The following COL16A1 variants were observed in gnomAD, a reference collection of about 807,000 sequenced individuals.
COL16A1 encodes collagen type XVI alpha 1 chain.
In COL16A1, 189 loss-of-function variants were observed where a neutral mutation model predicts 266.3. That is an observed-to-expected ratio of 0.71 (90% CI 0.63 to 0.80). The LOEUF is 0.80. Ranked by LOEUF, COL16A1 falls within the 30% of genes least tolerant of loss-of-function variation. COL16A1 has a pLI of 0.00. For synonymous variants in COL16A1, 740 were observed against 782.3 expected, an observed-to-expected ratio of 0.95 and a Z score of 0.90; for missense variants, 1,928 against 2,122.4, an observed-to-expected ratio of 0.91 and a Z score of 1.80.
In COL16A1 at chr1:31,662,385, G is replaced by T; in HGVS notation, c.3630C>A (p.Gly1210=). The change falls in exon 58 of 71, where the codon GGC becomes GGA. Residue 1210 remains glycine (G), a splice_region_variant and synonymous_variant. Coordinates refer to ENST00000373672, the MANE Select transcript of COL16A1 (RefSeq NM_001856.4). ...PGPPGPPGIQ[G]PAGLDGLDGK... ...CATCCAAACCATCCAGACCGGCGGGGCCCTGGAAACAGGAAAGAGGCATTT... is the reference window on the plus strand; with the variant it reads ...CATCCAAACCATCCAGACCGGCGGGTCCCTGGAAACAGGAAAGAGGCATTT... The T allele has an allele frequency of 6.2e-7, 1 of 1,612,214 alleles. No individual in the cohort carries two copies. Among genetic ancestry groups the T allele is most frequent in the Non-Finnish European group, 8.5e-7 (1 of 1,179,190 alleles).
intron 42 of COL16A1, 182 bp downstream of exon 42, chr1:31,679,450 C>T (rs562142960): frequency 6.2e-7 from 1 of 1,601,804 alleles, no homozygotes; most frequent in South Asian, 1.1e-5. Context: ...AGTGCAGAGC[C>T]TGGCCTAGAG....
Position 31,697,836 on chromosome 1 carries a change from C to T in COL16A1, c.657+70G>A, listed in dbSNP as rs570072230. 584 of 1,504,156 alleles carry T rather than the reference C, an allele frequency of 3.9e-4. 1 individual carries two copies. The highest frequency in any genetic ancestry group is 3.8e-3 in the East Asian group (168 of 44,012). 93.2% of individuals were successfully genotyped at this position (1,504,156 alleles called of 1,614,324 possible). On this transcript the variant is annotated intron_variant, in intron 6 of 70. Coordinates refer to ENST00000373672, the MANE Select transcript of COL16A1 (RefSeq NM_001856.4). The surrounding 1 kb of genome is among the most constrained non-coding windows in gnomAD (Gnocchi z 4.2). ...AGCAGGAGAAGGACTTGTTCCGATA[C>T]GGATTCCAGGAAGCCCACTCAGGTT...
At chr1:31,675,127 T>G (rs1643073512) in intron 43 of COL16A1, 88 bp from the exon 44 acceptor site, 3 of 1,610,492 alleles carry the variant, frequency 1.9e-6, no homozygotes, top group Non-Finnish European at 1.7e-6. Flanking sequence ...GGACACGTCA[T>G]GCACCTTCCA....
At chr1:31,693,487 C>T (rs1043949824) in intron 12 of COL16A1, among the ~76,000 whole-genome samples, 3 of 152,234 alleles carry the variant, frequency 2.0e-5, no homozygotes, top group Non-Finnish European at 2.9e-5. Context: ...CACACATGCA[C>T]GGTGGCAGAA....
chr1:31,695,174 C>T lies in COL16A1; in HGVS notation c.981+12G>A, dbSNP rs748237656. 2 of 1,613,754 alleles carry T rather than the reference C, an allele frequency of 1.2e-6. No homozygotes were observed. The highest frequency in any genetic ancestry group is 1.7e-5 in the Admixed American group (1 of 59,990). ...TTGCCCGCTCCACCCTGCACACCCT[C>T]CATTCACTCACATTGCTGTCCCGGG... On this transcript the variant is annotated intron_variant, in intron 11 of 70. Coordinates refer to ENST00000373672, the MANE Select transcript of COL16A1 (RefSeq NM_001856.4).
intron 11 of COL16A1, 49 bp from the exon 12 acceptor site, chr1:31,694,219 C>A: frequency 5.9e-6 from 9 of 1,522,666 alleles, no homozygotes; most frequent in Non-Finnish European, 8.0e-6. Context: ...AGAGAGAAAA[C>A]CAGGGGCCCA....
rs200697854 is a variant in COL16A1 at position 31,684,595 on chromosome 1, C to T, written c.2088G>A (p.Pro696=). 2.5e-5 allele frequency: 40 copies of T among 1,613,806 alleles called. No individual in the cohort carries two copies. Among genetic ancestry groups the T allele is most frequent in the Middle Eastern group, 1.6e-4 (1 of 6,082 alleles). ...DAGNPGDPGT[P]GTTGRPGLSG... is the part of the protein sequence containing the mutation. ...ACAGTCCTGGCCGCCCTGTGGTGCC[C>T]GGCGTTCCAGGGTCTCCAGGATTCC... Residue 696 remains proline (P), a synonymous_variant, in exon 31 of 71, where the codon CCG becomes CCA. Coordinates refer to ENST00000373672, the MANE Select transcript of COL16A1 (RefSeq NM_001856.4).
chr1:31,678,585 G>C (rs1380454130), intron 42 of COL16A1, among the ~76,000 whole-genome samples: 1 of 152,144 alleles, frequency 6.6e-6, no homozygotes, highest in Non-Finnish European at 1.5e-5. Context: ...AGGCTCAAAT[G>C]AATAAAAGAA....
chr1:31,701,535 G>A, intron 2 of COL16A1: 1 of 985,378 alleles, frequency 1.0e-6, no homozygotes, highest in Non-Finnish European at 1.2e-6. Flanking sequence ...AAGTTGCCCG[G>A]TCAACTTCCC....
At chr1:31,686,434 G>A in intron 26 of COL16A1, 155 bp from the exon 27 acceptor site, 2 of 1,071,236 alleles carry the variant, frequency 1.9e-6, no homozygotes, top group Non-Finnish European at 2.8e-6. Context: ...GTCCCCAAGG[G>A]AGTCTGTAAC....
chr1:31,701,858 G>A (rs771793102), intron 2 of COL16A1, among the ~76,000 whole-genome samples: 11 of 152,066 alleles, frequency 7.2e-5, no homozygotes, highest in Non-Finnish European at 1.2e-4. Flanking sequence ...GAATACATAC[G>A]AATGCACAAA....
intron 42 of COL16A1, among the ~76,000 whole-genome samples, chr1:31,676,154 G>A (rs759810291): frequency 4.6e-5 from 7 of 151,992 alleles, no homozygotes; most frequent in Admixed American, 1.3e-4. Context: ...GCGAAACCCC[G>A]TCTCTTCTAA....
At chr1:31,659,077 T>C (rs1641420661) in intron 62 of COL16A1, 113 bp from the exon 63 acceptor site, 4 of 988,618 alleles carry the variant, frequency 4.0e-6, no homozygotes, top group Admixed American at 2.1e-5. Flanking sequence ...CCATTTCCTC[T>C]GGAAACCTTC....
chr1:31,692,386 C>T (rs1404530915), intron 16 of COL16A1, 88 bp downstream of exon 16: 94 of 1,518,970 alleles, frequency 6.2e-5, no homozygotes, highest in Non-Finnish European at 8.1e-5. Context: ...GACACCCTCT[C>T]CTCAGAGAAC....
Position 31,698,319 on chromosome 1 carries a change from C to T in COL16A1, c.391-147G>A, listed in dbSNP as rs1046825013. 5.2e-6 allele frequency: 8 copies of T among 1,532,752 alleles called. No individual in the cohort carries two copies. In the African/African-American group the frequency reaches 1.1e-4, roughly 21 times the overall value. The allele number at this position is 1,532,752 out of a possible 1,614,324, so 94.9% of individuals were successfully genotyped here. Reference sequence around the variant, plus strand: ...AGCCGGCTGGGGTCAAGGAGCTATACATCCTGAAAGAATGAGGTAGGTACT... The same window carrying T: ...AGCCGGCTGGGGTCAAGGAGCTATATATCCTGAAAGAATGAGGTAGGTACT... On this transcript the variant is annotated intron_variant, in intron 5 of 70. Transcript: ENST00000373672. The surrounding 1 kb of genome is among the most constrained non-coding windows in gnomAD (Gnocchi z 4.1).
Position 31,679,662 on chromosome 1 carries a change from T to A in COL16A1, c.2742A>T (p.Pro914=), listed in dbSNP as rs748142077. The A allele has an allele frequency of 6.2e-7, 1 of 1,614,136 alleles. No homozygotes were observed. The highest frequency in any genetic ancestry group is 8.5e-7 in the Non-Finnish European group (1 of 1,180,038). The part of the protein sequence containing the change: ...GPQGPPGIPG[P]PGPPGVPGLQ... ...GCCCAGGTACTCCAGGGGGGCCTGG[T>A]GGTCCGGGAATACCTGGTGGACCCT... is the stretch of plus-strand genomic sequence containing the variant. The change falls in exon 42 of 71, where the codon CCA becomes CCT. Residue 914 remains proline, a synonymous_variant. Transcript: ENST00000373672.
chr1:31,691,566 C>A, intron 18 of COL16A1, 32 bp downstream of exon 18: 1 of 1,613,984 alleles, frequency 6.2e-7, no homozygotes, highest in South Asian at 1.1e-5. Context: ...CCCTGCCACC[C>A]CATCTCCACC....
intron 41 of COL16A1, 56 bp from the exon 42 acceptor site, chr1:31,679,741 A>G: frequency 6.2e-7 from 1 of 1,610,322 alleles, no homozygotes; most frequent in East Asian, 2.2e-5. Context: ...CATGGCCGAG[A>G]GCAGCTGTTT....
intron 49 of COL16A1, among the ~76,000 whole-genome samples, chr1:31,669,640 C>T (rs1024890683): frequency 2.6e-5 from 4 of 151,920 alleles, no homozygotes; most frequent in East Asian, 1.9e-4. Flanking sequence ...CAGATGAGGA[C>T]GTGGGGACAG....
Sources: allele counts gnomAD v4.1 joint callset (sites outside exome capture counted in the v4.1 genomes callset), GRCh38; gene constraint gnomAD v4.1.1; non-coding constraint Gnocchi (gnomAD v3.1); transcripts MANE v1.5; gene names NCBI Gene and HGNC (gene_info 2026-07-23, HGNC 2026-07-21).